The following C1orf21 variants were observed in gnomAD, a reference collection of about 807,000 sequenced individuals.
C1orf21 encodes the protein uncharacterized protein C1orf21.
Under a neutral mutation model 18.7 loss-of-function variants are expected in C1orf21, and 3 were observed. The ratio of observed to expected loss-of-function variants is 0.16; its 90% confidence interval spans 0.07 to 0.42. The LOEUF (loss-of-function observed/expected upper bound fraction) is 0.42, where lower values mean the gene tolerates loss of function less well. Among genes scored for constraint, C1orf21 ranks in the 10% least tolerant of loss-of-function variants. C1orf21 has a pLI of 0.99. For synonymous variants in C1orf21, 41 were observed against 46.4 expected (o/e 0.88, Z 0.47); for missense variants, 104 against 143.6 (o/e 0.72, Z 1.41).
At chr1:184,606,610 TA>T (rs1659650572) in intron 5 of C1orf21, among the ~76,000 whole-genome samples, 1 of 151,928 alleles carries the variant, frequency 6.6e-6, no homozygotes, top group South Asian at 2.1e-4. Flanking sequence ...ACTATCAGCC[TA>T]AATATGCTTG....
chr1:184,513,416 AAG>A (rs1658179704), intron 3 of C1orf21, among the ~76,000 whole-genome samples: 1 of 152,248 alleles, frequency 6.6e-6, no homozygotes, highest in East Asian at 1.9e-4. Flanking sequence ...AATTGAGAAA[AAG>A]ATAATCTGTT....
At chr1:184,597,367 CTG>C (rs1659530621) in intron 4 of C1orf21, among the ~76,000 whole-genome samples, 1 of 152,202 alleles carries the variant, frequency 6.6e-6, no homozygotes, top group South Asian at 2.1e-4. Context: ...TCAGGCCCCA[CTG>C]TCTGTCACAG....
intron 1 of C1orf21, chr1:184,408,427 A>G (rs1656282428): frequency 6.6e-6 from 1 of 152,254 alleles, no homozygotes; most frequent in Non-Finnish European, 1.5e-5. Context: ...GAGTGAATTT[A>G]TTCTGCTGCA....
intron 2 of C1orf21, among the ~76,000 whole-genome samples, chr1:184,495,853 G>T (rs911737451): frequency 2.7e-5 from 4 of 150,526 alleles, no homozygotes; most frequent in African/African-American, 9.8e-5. Flanking sequence ...GGGAGGCAGA[G>T]GTTGCAGTGA....
chr1:184,468,351 C>A (rs1056862130), intron 1 of C1orf21, among the ~76,000 whole-genome samples: 1 of 151,980 alleles, frequency 6.6e-6, no homozygotes, highest in Non-Finnish European at 1.5e-5. Context: ...GATCTTAGGT[C>A]ACAGTTTACA....
At chr1:184,549,184 A>T (rs1236793813) in intron 3 of C1orf21, among the ~76,000 whole-genome samples, 2 of 152,198 alleles carry the variant, frequency 1.3e-5, no homozygotes, top group African/African-American at 2.4e-5. Flanking sequence ...GGAACTTTAG[A>T]ATAGCAACAT....
chr1:184,460,713 CT>C lies in C1orf21; in HGVS notation c.-124-16658del, dbSNP rs11393803. Among the ~76,000 whole-genome samples the C allele has an allele frequency of 1.8e-3, 166 of 90,680 alleles. 3 individuals are homozygous for C. Among genetic ancestry groups the C allele is most frequent in the African/African-American group, 3.2e-3 (74 of 23,002 alleles). The allele number at this position is 90,680 out of a possible 152,430, so 59.5% of individuals were successfully genotyped here. On this transcript the variant is annotated intron_variant, in intron 1 of 5. Transcript: ENST00000235307. ...TCTTCTTTCTTTTTTTCTCTTCTTC[CT>C]TTTTTTTTTTTTTTAAGAAATGGGG...
intron 2 of C1orf21, among the ~76,000 whole-genome samples, chr1:184,501,542 C>G (rs1400380184): frequency 1.3e-5 from 2 of 152,208 alleles, no homozygotes; most frequent in South Asian, 4.1e-4. Context: ...GTACACACTA[C>G]TTTCTTATTT....
At chr1:184,472,608 A>G (rs1434926306) in intron 1 of C1orf21, among the ~76,000 whole-genome samples, 2 of 152,120 alleles carry the variant, frequency 1.3e-5, no homozygotes, top group African/African-American at 2.4e-5. Context: ...GCTTTTTCTT[A>G]AAAACAGATT....
At chr1:184,579,379 G>GTT (rs201010891) in intron 3 of C1orf21, among the ~76,000 whole-genome samples, 43 of 71,460 alleles carry the variant, frequency 6.0e-4, no homozygotes, top group Non-Finnish European at 1.0e-3. Context: ...TATAAGCTGG[G>GTT]TTTTTTTTTT....
intron 2 of C1orf21, among the ~76,000 whole-genome samples, chr1:184,506,237 G>C (rs1288778966): frequency 2.6e-5 from 4 of 152,148 alleles, no homozygotes; most frequent in Non-Finnish European, 4.4e-5. Flanking sequence ...TAGTGAACAT[G>C]AAGTCTTTAT....
At chr1:184,418,627 T>C (rs953262146) in intron 1 of C1orf21, among the ~76,000 whole-genome samples, 1 of 152,242 alleles carries the variant, frequency 6.6e-6, no homozygotes, top group Non-Finnish European at 1.5e-5. Flanking sequence ...CCTCAGAACT[T>C]GTTTGTGATC....
chr1:184,423,357 C>G (rs1296379231), intron 1 of C1orf21, among the ~76,000 whole-genome samples: 5 of 152,120 alleles, frequency 3.3e-5, no homozygotes, highest in Admixed American at 6.5e-5. Context: ...GAGAAGTCTT[C>G]ATGATGGAGG....
At position 184,625,795 on chromosome 1, in the gene C1orf21, G is replaced by A. The variant is rs1269512550; in HGVS notation, c.*6239G>A. 9.2e-5 allele frequency: 14 copies of A among 152,474 alleles called. 1 individual carries two copies. In the South Asian group the frequency reaches 2.7e-3, roughly 29 times the overall value. 9.4% of individuals were successfully genotyped at this position (152,474 alleles called of 1,614,324 possible). A position where few individuals can be genotyped will look rare whatever the true frequency, so the allele number is the denominator to read the frequency against. On this transcript the variant is annotated 3_prime_UTR_variant, in exon 6 of 6. Transcript: ENST00000235307. ...TCGTCTTGCTTTGTGCCCCATCTGT[G>A]CCTGGATGCCCTACTACATCTGCTT...
chr1:184,598,596 GTCACCGCCCTTCCAAAATAAA>G (rs1659548347), intron 5 of C1orf21, 135 bp downstream of exon 5: 2 of 819,816 alleles, frequency 2.4e-6, no homozygotes, highest in African/African-American at 3.5e-5. Flanking sequence ...TTAAATAAAA[GTCACCGCCCTTCCAAAATAAA>G]GTGCATGTGA....
intron 2 of C1orf21, 24 bp from the exon 3 acceptor site, chr1:184,507,562 ATG>A (rs1330154256): frequency 3.9e-6 from 6 of 1,556,516 alleles, no homozygotes; most frequent in Non-Finnish European, 5.2e-6. Context: ...AAATTATAAA[ATG>A]TGTTTTCTTT....
At chr1:184,454,609 G>A (rs1259464623) in intron 1 of C1orf21, among the ~76,000 whole-genome samples, 3 of 152,068 alleles carry the variant, frequency 2.0e-5, no homozygotes, top group South Asian at 2.1e-4. Context: ...CCCTGGTGCC[G>A]TTCTCGTGGT....
chr1:184,418,368 C>G (rs12142676), intron 1 of C1orf21, among the ~76,000 whole-genome samples: 10,863 of 152,188 alleles, frequency 0.071, 540 homozygotes, highest in African/African-American at 0.14. Context: ...TGCCACCATG[C>G]CTGGCTAATT....
chr1:184,597,371 C>T (rs1473034479), intron 4 of C1orf21, among the ~76,000 whole-genome samples: 3 of 152,192 alleles, frequency 2.0e-5, no homozygotes, highest in African/African-American at 7.2e-5. Context: ...GCCCCACTGT[C>T]TGTCACAGGA....
Sources: gnomAD v4.1 joint callset for allele counts (sites outside exome capture counted in the v4.1 genomes callset) on GRCh38, gnomAD v4.1.1 for gene constraint, MANE v1.5 for transcripts, NCBI Gene and HGNC (gene_info 2026-07-23, HGNC 2026-07-21) for gene names.